Variants in BTBD9 observed in about 807,000 individuals in gnomAD.
BTBD9 encodes the protein BTB/POZ domain-containing protein 9.
Under a neutral mutation model 64.3 loss-of-function variants are expected in BTBD9, and 49 were observed. The ratio of observed to expected loss-of-function variants is 0.76; its 90% CI spans 0.61 to 0.97. BTBD9 has a LOEUF of 0.97. Among genes scored for constraint, BTBD9 ranks in the 50% least tolerant of loss-of-function variants. The probability of loss-of-function intolerance (pLI) is 0.00; values close to 1 mark genes in which losing one functional copy is unlikely to be tolerated. For missense variants in BTBD9, 598 were observed against 762.1 expected, an observed-to-expected ratio of 0.78 and a Z score of 2.53; for synonymous variants, 260 against 274.7, an observed-to-expected ratio of 0.95 and a Z score of 0.53.
chr6:38,328,861 G>A (rs1763553718), intron 7 of BTBD9, among the ~76,000 whole-genome samples: 1 of 151,702 alleles, frequency 6.6e-6, no homozygotes, highest in Non-Finnish European at 1.5e-5. Context: ...GCAGGCGAAT[G>A]GCGTGAACCC....
chr6:38,493,002 T>C (rs1771772453), intron 6 of BTBD9, among the ~76,000 whole-genome samples: 1 of 152,146 alleles, frequency 6.6e-6, no homozygotes, highest in Non-Finnish European at 1.5e-5. Context: ...AAATTGTCCA[T>C]TCAATACTAC....
chr6:38,397,742 C>G (rs2127629709), intron 6 of BTBD9, among the ~76,000 whole-genome samples: 1 of 152,208 alleles, frequency 6.6e-6, no homozygotes, highest in Admixed American at 6.5e-5. Flanking sequence ...GAATATCATT[C>G]TAGATTGTGA....
In BTBD9 at chr6:38,210,640, G is replaced by C. The variant is rs186166965; in HGVS notation, c.1563-18043C>G. Among the ~76,000 whole-genome samples, 219 of 151,986 alleles carry C rather than the reference G, an allele frequency of 1.4e-3. 1 individual carries two copies. The highest frequency in any genetic ancestry group is 5.0e-3 in the African/African-American group (207 of 41,460). On this transcript the variant is annotated intron_variant, in intron 9 of 10. Coordinates refer to ENST00000481247, the MANE Select transcript of BTBD9 (RefSeq NM_001099272.2). ...AGGAGACGCCTAGTCAATCAAATTA[G>C]TCTATGAAGCACCCTCTTGGTCTGG...
chr6:38,186,021 G>C (rs1761803421), intron 10 of BTBD9, among the ~76,000 whole-genome samples: 1 of 152,174 alleles, frequency 6.6e-6, no homozygotes, highest in Admixed American at 6.5e-5. Context: ...ACTGGTACAA[G>C]AGCTTCGTTG....
chr6:38,459,697 T>C (rs1769986376), intron 6 of BTBD9, among the ~76,000 whole-genome samples: 1 of 152,220 alleles, frequency 6.6e-6, no homozygotes, highest in Admixed American at 6.5e-5. Flanking sequence ...TTGCTGTTAT[T>C]ACAATACAGC....
In BTBD9 at chr6:38,617,537, T is replaced by C. The variant is rs186500992; in HGVS notation, c.-27-19416A>G. Among the ~76,000 whole-genome samples, 728 of 152,324 alleles carry C rather than the reference T, an allele frequency of 4.8e-3. 5 individuals carry two copies. The highest frequency in any genetic ancestry group is 6.6e-3 in the Non-Finnish European group (450 of 68,026). ...CCCAGGCTTACCAATCAGAAAGACA[T>C]AATTTTTGCCCAAAGCCCCGTCATA... On this transcript the variant is annotated intron_variant, in intron 1 of 10. Transcript: ENST00000481247.
At chr6:38,402,436 A>G (rs927078125) in intron 6 of BTBD9, among the ~76,000 whole-genome samples, 1 of 151,930 alleles carries the variant, frequency 6.6e-6, no homozygotes, top group African/African-American at 2.4e-5. Context: ...TTTAAAACTT[A>G]TGACAGACCA....
intron 6 of BTBD9, among the ~76,000 whole-genome samples, chr6:38,385,197 T>C (rs1186192104): frequency 1.3e-5 from 2 of 149,394 alleles, no homozygotes; most frequent in Non-Finnish European, 3.0e-5. Context: ...TACGTACTTT[T>C]TTTTTTTCTT....
rs1562095912 is a variant in BTBD9, at chr6:38,374,323, A to ATG, written c.1155-29231_1155-29230insCA. ...TATATATATGTATATATATATATAT[A>ATG]TATGTATATAAAATCTGTACTCAAA... On this transcript the variant is annotated intron_variant, in intron 6 of 10. Coordinates refer to ENST00000481247, the MANE Select transcript of BTBD9 (RefSeq NM_001099272.2). Among the ~76,000 whole-genome samples the ATG allele has an allele frequency of 2.1e-4, 25 of 121,810 alleles. 1 individual carries two copies. Among genetic ancestry groups the ATG allele is most frequent in the African/African-American group, 7.3e-4 (22 of 30,214 alleles). The allele number at this position is 121,810 out of a possible 152,430, so 79.9% of individuals were successfully genotyped here.
At chr6:38,344,762 C>A (rs1764217726) in intron 7 of BTBD9, among the ~76,000 whole-genome samples, 3 of 152,312 alleles carry the variant, frequency 2.0e-5, no homozygotes, top group East Asian at 1.9e-4. Flanking sequence ...ATTTTCAATT[C>A]TTTAGCACTA....
intron 7 of BTBD9, among the ~76,000 whole-genome samples, chr6:38,329,468 G>C (rs1417583555): frequency 6.6e-6 from 1 of 151,812 alleles, no homozygotes; most frequent in Non-Finnish European, 1.5e-5. Flanking sequence ...GATTACAGGG[G>C]CGTGCCACCA....
intron 6 of BTBD9, among the ~76,000 whole-genome samples, chr6:38,530,136 T>C (rs1328736463): frequency 2.0e-5 from 3 of 152,190 alleles, no homozygotes; most frequent in Non-Finnish European, 4.4e-5. Context: ...CCTGGTCTCC[T>C]GCAGTACGCT....
At chr6:38,519,313 T>C (rs1773183871) in intron 6 of BTBD9, among the ~76,000 whole-genome samples, 1 of 152,208 alleles carries the variant, frequency 6.6e-6, no homozygotes, top group South Asian at 2.1e-4. Context: ...TCTTTGTAAA[T>C]TTTGTATCAA....
intron 9 of BTBD9, among the ~76,000 whole-genome samples, chr6:38,214,275 A>G (rs1762935109): frequency 6.6e-6 from 1 of 152,086 alleles, no homozygotes; most frequent in Non-Finnish European, 1.5e-5. Context: ...TTTCTCTGCA[A>G]CCCTGCTTTT....
intron 7 of BTBD9, among the ~76,000 whole-genome samples, chr6:38,298,268 TA>T (rs2127561460): frequency 6.6e-6 from 1 of 152,264 alleles, no homozygotes; most frequent in Admixed American, 6.5e-5. Flanking sequence ...TTATGTCTCT[TA>T]AATTTTAGAC....
chr6:38,221,402 C>G (rs543715856), intron 9 of BTBD9, among the ~76,000 whole-genome samples: 8 of 152,222 alleles, frequency 5.3e-5, no homozygotes, highest in Middle Eastern at 3.4e-3. Flanking sequence ...AAGCCTCCCC[C>G]CAGGGAGCCA....
chr6:38,384,802 T>C (rs1386713539), intron 6 of BTBD9, among the ~76,000 whole-genome samples: 1 of 152,226 alleles, frequency 6.6e-6, no homozygotes, highest in Non-Finnish European at 1.5e-5. Flanking sequence ...CTGTATGTCA[T>C]AAACTGACAA....
intron 9 of BTBD9, among the ~76,000 whole-genome samples, chr6:38,232,906 C>A (rs1371994214): frequency 6.6e-6 from 1 of 152,204 alleles, no homozygotes; most frequent in African/African-American, 2.4e-5. Flanking sequence ...CAAGCCCTTC[C>A]CAGAGGATGC....
chr6:38,571,543 G>A (rs942519412), intron 6 of BTBD9, among the ~76,000 whole-genome samples: 3 of 152,200 alleles, frequency 2.0e-5, no homozygotes, highest in African/African-American at 7.2e-5. Context: ...AGATTAAAAT[G>A]CCATATACCA....
Sources: allele counts gnomAD v4.1 joint callset (sites outside exome capture counted in the v4.1 genomes callset), GRCh38; gene constraint gnomAD v4.1.1; transcripts MANE v1.5; gene names NCBI Gene and HGNC (gene_info 2026-07-23, HGNC 2026-07-21).